Variants in ARF3 observed in about 807,000 individuals in gnomAD.
ARF3 encodes ARF GTPase 3.
A neutral mutation model predicts 19.3 loss-of-function variants in ARF3; 5 were observed. That is an observed-to-expected ratio of 0.26 (90% CI 0.14 to 0.54). The LOEUF is 0.54. Among genes scored for constraint, ARF3 ranks in the 20% least tolerant of loss-of-function variants. The pLI, the probability that ARF3 is intolerant of heterozygous loss-of-function variation, is 0.95. For missense variants in ARF3, 77 were observed against 234.2 expected (o/e 0.33, Z 4.38); for synonymous variants, 71 against 89.2 (o/e 0.80, Z 1.15).
At chr12:48,948,284 T>TA (rs1940396839) in intron 1 of ARF3, among the ~76,000 whole-genome samples, 3 of 150,822 alleles carry the variant, frequency 2.0e-5, no homozygotes, top group Admixed American at 6.6e-5. Flanking sequence ...TTTTTTTTTT[T>TA]AAAGAGATGA....
At chr12:48,954,137 T>G (rs995824274) in intron 1 of ARF3, among the ~76,000 whole-genome samples, 13 of 152,240 alleles carry the variant, frequency 8.5e-5, no homozygotes, top group Admixed American at 2.6e-4. Context: ...ACTTTTCTAA[T>G]ATGAATACTA....
In ARF3 at chr12:48,949,632, T is replaced by G. The variant is rs141240938; in HGVS notation, c.-94+7678A>C. Among the ~76,000 whole-genome samples, 1,337 of 152,234 alleles carry G rather than the reference T, an allele frequency of 8.8e-3. 15 individuals carry two copies. Among genetic ancestry groups the G allele is most frequent in the Non-Finnish European group, 0.015 (1,004 of 68,018 alleles). On this transcript the variant is annotated intron_variant, in intron 1 of 4. Coordinates refer to ENST00000256682, the MANE Select transcript of ARF3 (RefSeq NM_001659.3). ...ATCATGGCTCACTGCAGCCTCCATC[T>G]CCTGGGCTCAAGAGATCCTCCCACC...
chr12:48,939,989 G>C lies in ARF3; in HGVS notation c.259+8C>G. On this transcript the variant is annotated splice_region_variant and intron_variant, in intron 3 of 4. Transcript: ENST00000256682. The surrounding 1 kb of genome is among the most constrained non-coding windows in gnomAD (Gnocchi z 4.8). ...TACCCAACCAACCCACGCTAGGCCT[G>C]AGCATACCTTGGGTGTTCTGGAAGT... is the stretch of plus-strand genomic sequence containing the variant. The C allele has an allele frequency of 6.2e-7, 1 of 1,613,194 alleles. No homozygotes were observed. The highest frequency in any genetic ancestry group is 8.5e-7 in the Non-Finnish European group (1 of 1,179,146).
At position 48,939,539 on chromosome 12, in the gene ARF3, ACG is replaced by A; in HGVS notation, c.384+114_384+115del. The stretch of plus-strand genomic sequence containing the variant: ...AAAGAAGCCAAGTGCTCAGTTTCCC[ACG>A]CTTCTAACATTGAGAGCATACTAAA... On this transcript the variant is annotated intron_variant, in intron 4 of 4. Coordinates refer to ENST00000256682, the MANE Select transcript of ARF3 (RefSeq NM_001659.3). This position sits in a 1 kb window ranked among gnomAD's most constrained non-coding sequence, Gnocchi z 4.8. 7.0e-7 allele frequency: 1 copy of A among 1,432,038 alleles called. No homozygotes were observed. Among genetic ancestry groups the A allele is most frequent in the Non-Finnish European group, 9.5e-7 (1 of 1,048,938 alleles). 88.7% of individuals were successfully genotyped at this position (1,432,038 alleles called of 1,614,324 possible).
intron 1 of ARF3, among the ~76,000 whole-genome samples, chr12:48,945,510 G>A (rs954844636): frequency 5.3e-5 from 8 of 151,702 alleles, no homozygotes; most frequent in Non-Finnish European, 1.0e-4. Context: ...GCAGCGAGTC[G>A]ATATCATGCC....
chr12:48,955,153 A>C (rs833821), intron 1 of ARF3, among the ~76,000 whole-genome samples: 55,970 of 152,136 alleles, frequency 0.37, 11,716 homozygotes, highest in South Asian at 0.53. Flanking sequence ...CTAGTGTAAA[A>C]GAGTAGGGTG....
chr12:48,940,213 C>T (rs1389078479), intron 2 of ARF3, 106 bp from the exon 3 acceptor site: 3 of 902,754 alleles, frequency 3.3e-6, no homozygotes, highest in African/African-American at 3.3e-5. Context: ...GCCATAACAC[C>T]AACAATGGAA....
chr12:48,951,298 T>C (rs1288687752), intron 1 of ARF3, among the ~76,000 whole-genome samples: 5 of 152,086 alleles, frequency 3.3e-5, no homozygotes, highest in Non-Finnish European at 5.9e-5. Flanking sequence ...CGGTGGCTCA[T>C]AGCTATAATC....
intron 1 of ARF3, chr12:48,956,614 C>G (rs955938205): frequency 2.0e-5 from 3 of 152,258 alleles, no homozygotes; most frequent in Non-Finnish European, 4.4e-5. Context: ...AGACCGCCCC[C>G]GCTCCGCCTG....
intron 1 of ARF3, among the ~76,000 whole-genome samples, chr12:48,955,131 CTTATTA>C (rs1940539011): frequency 6.6e-6 from 1 of 152,204 alleles, no homozygotes; most frequent in South Asian, 2.1e-4. Context: ...TCCACTTCCT[CTTATTA>C]TGACTCTAGT....
chr12:48,936,018 G>A lies in ARF3; in HGVS notation c.*2929C>T, dbSNP rs1047442409. ...GCTCCCCCGCCGCGGGGTATGATGG[G>A]AAGAAATAACCAGTGTGGAGTGGCA... On this transcript the variant is annotated 3_prime_UTR_variant, in exon 5 of 5. Transcript: ENST00000256682. The A allele has an allele frequency of 1.3e-5, 2 of 152,234 alleles. No homozygotes were observed. The highest frequency in any genetic ancestry group is 2.9e-5 in the Non-Finnish European group (2 of 68,060). The allele number at this position is 152,234 out of a possible 1,614,324, so 9.4% of individuals were successfully genotyped here.
chr12:48,954,013 C>T (rs1359361233), intron 1 of ARF3, among the ~76,000 whole-genome samples: 1 of 152,130 alleles, frequency 6.6e-6, no homozygotes, highest in East Asian at 1.9e-4. Context: ...AAATGAAGAT[C>T]CCCATATACT....
At chr12:48,945,173 A>C in intron 1 of ARF3, among the ~76,000 whole-genome samples, 1 of 111,408 alleles carries the variant, frequency 9.0e-6, no homozygotes. Context: ...GGCCGGGCAC[A>C]GTGGCTCACG....
Position 48,938,678 on chromosome 12 carries a change from A to AGG in ARF3, c.*267_*268dup, listed in dbSNP as rs1555176373. ...CCGAAACCCAGAGGGTGAGAGAGAG[A>AGG]GGGGCCACCCCATGAAACCGTAACA... On this transcript the variant is annotated 3_prime_UTR_variant, in exon 5 of 5. Coordinates refer to ENST00000256682, the MANE Select transcript of ARF3 (RefSeq NM_001659.3). 4 of 475,444 alleles carry AGG rather than the reference A, an allele frequency of 8.4e-6. No homozygotes were observed. The highest frequency in any genetic ancestry group is 4.3e-5 in the East Asian group (1 of 23,012). 29.5% of individuals were successfully genotyped at this position (475,444 alleles called of 1,614,324 possible).
chr12:48,943,306 T>A (rs983149918), intron 1 of ARF3, among the ~76,000 whole-genome samples: 2 of 152,104 alleles, frequency 1.3e-5, no homozygotes, highest in African/African-American at 4.8e-5. Context: ...CAGAAATGCA[T>A]CTTTGAAACA....
intron 1 of ARF3, among the ~76,000 whole-genome samples, chr12:48,945,816 A>T (rs368347658): frequency 1.1e-4 from 16 of 151,496 alleles, no homozygotes; most frequent in Non-Finnish European, 1.5e-4. Flanking sequence ...TTATTTATTT[A>T]TTTTTTTTGA....
At chr12:48,951,694 A>C (rs1009651142) in intron 1 of ARF3, among the ~76,000 whole-genome samples, 6 of 152,130 alleles carry the variant, frequency 3.9e-5, no homozygotes, top group Non-Finnish European at 8.8e-5. Context: ...AGCCTAACCA[A>C]CATGGAGAAA....
At chr12:48,948,620 G>A (rs1345592565) in intron 1 of ARF3, among the ~76,000 whole-genome samples, 1 of 152,048 alleles carries the variant, frequency 6.6e-6, no homozygotes, top group African/African-American at 2.4e-5. Flanking sequence ...AGATCAGCCT[G>A]GCCAACATGG....
At chr12:48,952,733 G>C (rs925100284) in intron 1 of ARF3, among the ~76,000 whole-genome samples, 1 of 152,248 alleles carries the variant, frequency 6.6e-6, no homozygotes, top group Admixed American at 6.5e-5. Context: ...CAGAGGAACA[G>C]AGAACTGCCT....
Sources: allele counts gnomAD v4.1 joint callset (sites outside exome capture counted in the v4.1 genomes callset), GRCh38; gene constraint gnomAD v4.1.1; non-coding constraint Gnocchi (gnomAD v3.1); transcripts MANE v1.5; gene names NCBI Gene and HGNC (gene_info 2026-07-23, HGNC 2026-07-21).